Variants in SLC25A38 observed in about 807,000 individuals in gnomAD.
The protein encoded by SLC25A38 is mitochondrial glycine transporter.
SLC25A38 carries 27 observed loss-of-function variants against 33.4 expected under a neutral mutation model. The ratio of observed to expected loss-of-function variants is 0.81; its 90% CI spans 0.60 to 1.11. SLC25A38 has a LOEUF of 1.11. Among genes scored for constraint, SLC25A38 ranks in the 50% most tolerant of loss-of-function variants. The pLI, the probability that SLC25A38 is intolerant of heterozygous loss-of-function variation, is 0.00. For missense variants in SLC25A38, 344 were observed against 388.8 expected, an observed-to-expected ratio of 0.88 and a Z score of 0.97; for synonymous variants, 123 against 145.9, an observed-to-expected ratio of 0.84 and a Z score of 1.13.
intron 5 of SLC25A38, 72 bp downstream of exon 5, chr3:39,392,093 T>C (rs1173564986): frequency 6.4e-7 from 1 of 1,574,668 alleles, no homozygotes; most frequent in Non-Finnish European, 8.7e-7. Context: ...CTCTGGGATA[T>C]GAGACTATGT....
chr3:39,387,391 T>G (rs1010385694), intron 1 of SLC25A38, among the ~76,000 whole-genome samples: 6 of 152,144 alleles, frequency 3.9e-5, no homozygotes, highest in African/African-American at 1.4e-4. Flanking sequence ...TTGGCATAGT[T>G]GAGGCTGGAG....
intron 1 of SLC25A38, chr3:39,384,507 T>G: frequency 1.3e-4 from 49 of 376,852 alleles, no homozygotes; most frequent in Middle Eastern, 6.6e-4. Flanking sequence ...AGGGGCGGCT[T>G]TTATTTTTTT....
intron 5 of SLC25A38, among the ~76,000 whole-genome samples, chr3:39,393,758 G>C (rs13077114): frequency 0.27 from 40,705 of 152,114 alleles, 5,999 homozygotes; most frequent in Non-Finnish European, 0.32. Flanking sequence ...CTCGGCCTCC[G>C]AAAGTGTTGG....
At chr3:39,388,944 A>T (rs150855152) in intron 1 of SLC25A38, among the ~76,000 whole-genome samples, 57 of 152,298 alleles carry the variant, frequency 3.7e-4, no homozygotes, top group African/African-American at 1.3e-3. Flanking sequence ...GGACTGTGTG[A>T]TCTGCTTAGG....
At chr3:39,384,122 G>A (rs939996097) in intron 1 of SLC25A38, among the ~76,000 whole-genome samples, 5 of 152,224 alleles carry the variant, frequency 3.3e-5, no homozygotes, top group African/African-American at 1.2e-4. Context: ...CCAGGTGGAA[G>A]GGCACCCGGG....
At chr3:39,394,698 G>A in intron 6 of SLC25A38, 122 bp downstream of exon 6, 1 of 1,184,668 alleles carries the variant, frequency 8.4e-7, no homozygotes, top group East Asian at 2.6e-5. Context: ...CCCATGCCCA[G>A]GTTAAAATCT....
At chr3:39,386,671 G>A (rs11915750) in intron 1 of SLC25A38, among the ~76,000 whole-genome samples, 1,920 of 152,300 alleles carry the variant, frequency 0.013, 40 homozygotes, top group African/African-American at 0.044. Flanking sequence ...ATTGGTGGCC[G>A]TCACCAAGGC....
rs1451513655 is a variant in SLC25A38 at position 39,394,364 on chromosome 3, A to T, written c.626-46A>T. 3.7e-6 allele frequency: 6 copies of T among 1,610,720 alleles called. No individual in the cohort carries two copies. The Admixed American group carries it at 5.0e-5, about 13-fold the overall frequency. ...GGCAACTTGCACTGACCTTTATCTG[A>T]TTAATATAAGATCTATGTCCACATG... On this transcript the variant is annotated intron_variant, in intron 5 of 6. Transcript: ENST00000650617.
Sources: gnomAD v4.1 joint callset for allele counts (sites outside exome capture counted in the v4.1 genomes callset) on GRCh38, gnomAD v4.1.1 for gene constraint, MANE v1.5 for transcripts, NCBI Gene and HGNC (gene_info 2026-07-23, HGNC 2026-07-21) for gene names.